MYBPC3: variants seen among roughly 807,000 people sequenced by gnomAD.
MYBPC3 encodes myosin-binding protein C, cardiac-type.
In MYBPC3, 108 loss-of-function variants were observed where a neutral mutation model predicts 159.3. That is an observed-to-expected ratio of 0.68 (90% CI 0.58 to 0.80). MYBPC3 has a LOEUF of 0.80. Among genes scored for constraint, MYBPC3 ranks in the 30% least tolerant of loss-of-function variants. The pLI, the probability that MYBPC3 is intolerant of heterozygous loss-of-function variation, is 0.00. For missense variants in MYBPC3, 1,631 were observed against 1,762.1 expected (o/e 0.93, Z 1.33); for synonymous variants, 730 against 702.0 (o/e 1.04, Z -0.63).
In MYBPC3 at chr11:47,338,567, T is replaced by C; in HGVS notation, c.2261A>G (p.Lys754Arg). 5.6e-6 allele frequency: 9 copies of C among 1,614,046 alleles called. No homozygotes were observed. The highest frequency in any genetic ancestry group is 7.6e-6 in the Non-Finnish European group (9 of 1,179,906). The change falls in exon 23 of 35, where the codon AAG (lysine) becomes AGG (arginine). Residue 754 changes from lysine (K) to arginine (R), a missense_variant. Physicochemically the swap from Lys to Arg is conservative, Grantham distance 26. Coordinates refer to ENST00000545968, the MANE Select transcript of MYBPC3 (RefSeq NM_000256.3). This position sits in a 1 kb window ranked among gnomAD's most constrained non-coding sequence, Gnocchi z 4.7. ...GACCTGGTCCTCGCCCACAGGGTTC[T>C]TCACTGTGACCGTGTAGACGCCCTC... The part of the protein sequence containing the change: ...EDEGVYTVTV[K>R]NPVGEDQVNL...
chr11:47,333,221 T>C lies in MYBPC3; in HGVS notation c.3303A>G (p.Thr1101=), dbSNP rs748263197. The C allele has an allele frequency of 2.5e-6, 4 of 1,599,526 alleles. No homozygotes were observed. The highest frequency in any genetic ancestry group is 1.7e-5 in the Admixed American group (1 of 58,160). ...TGGTCTTCTTGTCGGCTTTCTGCAC[T>C]GTGTACCCCCAGAGCTCCGTGTTGC... The part of the protein sequence containing the change: ...DVGNTELWGY[T]VQKADKKTME... Residue 1101 remains threonine (T), a synonymous_variant, in exon 30 of 35, where the codon ACA becomes ACG. Coordinates refer to ENST00000545968, the MANE Select transcript of MYBPC3 (RefSeq NM_000256.3).
At position 47,335,065 on chromosome 11, in the gene MYBPC3, G is replaced by A. The variant is rs373056282; in HGVS notation, c.2882C>T (p.Pro961Leu). The change falls in exon 27 of 35, where the codon CCG becomes CTG. Residue 961 changes from proline (P) to leucine (L), a missense_variant. Transcript: ENST00000545968. Reference protein sequence around the residue: ...GPGAPVTTTEPVTVQEILQRP... With the variant: ...GPGAPVTTTELVTVQEILQRP... ...ACGCAGGATCTCCTGCACTGTCACC[G>A]GCTCCGTGGTGGTAACAGGGGCTCC... is the stretch of plus-strand genomic sequence containing the variant. 85 of 1,578,686 alleles carry A rather than the reference G, an allele frequency of 5.4e-5. No homozygotes were observed. The Middle Eastern group carries it at 6.7e-4, about 13-fold the overall frequency.
Position 47,348,547 on chromosome 11 carries a change from T to G in MYBPC3, c.655-6A>C, listed in dbSNP as rs2142866421. On this transcript the variant is annotated splice_polypyrimidine_tract_variant and splice_region_variant and intron_variant, in intron 5 of 34. Coordinates refer to ENST00000545968, the MANE Select transcript of MYBPC3 (RefSeq NM_000256.3). The stretch of plus-strand genomic sequence containing the variant: ...TGCAGCTCGAACAGATAGACCTGTG[T>G]GCATGGAGGGACGGGGCGTCAGGGG... 6.2e-7 allele frequency: 1 copy of G among 1,606,624 alleles called. No individual in the cohort carries two copies. Among genetic ancestry groups the G allele is most frequent in the Non-Finnish European group, 8.5e-7 (1 of 1,175,246 alleles).
chr11:47,335,213 G>T lies in MYBPC3; in HGVS notation c.2738-4C>A, dbSNP rs752196981. The T allele has an allele frequency of 6.3e-7, 1 of 1,579,384 alleles. No individual in the cohort carries two copies. Among genetic ancestry groups the T allele is most frequent in the Non-Finnish European group, 8.6e-7 (1 of 1,160,228 alleles). On this transcript the variant is annotated splice_polypyrimidine_tract_variant and splice_region_variant and intron_variant, in intron 26 of 34. Transcript: ENST00000545968. The stretch of plus-strand genomic sequence containing the variant: ...AGGGCAGCCACCCACTCTGAGCCTG[G>T]GGGTGGGGAGGGGGAGGCAAGGCCA...
At position 47,338,554 on chromosome 11, in the gene MYBPC3, G is replaced by A. The variant is rs397515957; in HGVS notation, c.2274C>T (p.Gly758=). Residue 758 remains glycine, a synonymous_variant, in exon 23 of 35, where the codon GGC becomes GGT. Transcript: ENST00000545968. The surrounding 1 kb of genome is among the most constrained non-coding windows in gnomAD (Gnocchi z 4.7). Reference sequence around the variant, plus strand: ...TGACTGTGAGGTTGACCTGGTCCTCGCCCACAGGGTTCTTCACTGTGACCG... The same window carrying A: ...TGACTGTGAGGTTGACCTGGTCCTCACCCACAGGGTTCTTCACTGTGACCG... ...VYTVTVKNPV[G]EDQVNLTVKV... is the part of the protein sequence containing the mutation. 4.3e-6 allele frequency: 7 copies of A among 1,613,872 alleles called. No individual in the cohort carries two copies. Among genetic ancestry groups the A allele is most frequent in the South Asian group, 1.1e-5 (1 of 91,090 alleles).
intron 5 of MYBPC3, among the ~76,000 whole-genome samples, chr11:47,349,297 G>A (rs1240073175): frequency 6.6e-6 from 1 of 152,098 alleles, no homozygotes; most frequent in African/African-American, 2.4e-5. Context: ...TGACCTTGGA[G>A]CAGCCACTTA....
At position 47,337,475 on chromosome 11, in the gene MYBPC3, C is replaced by A; in HGVS notation, c.2518G>T (p.Val840Leu). 2 of 1,613,930 alleles carry A rather than the reference C, an allele frequency of 1.2e-6. No homozygotes were observed. The highest frequency in any genetic ancestry group is 8.5e-7 in the Non-Finnish European group (1 of 1,179,888). ...SHEARRMIEG[V>L]VYEMRVYAVN... ...GCGTAGACGCGCATCTCGTACACCA[C>A]GCCCTCGATCATGCGCCGCGCTTCA... Residue 840 changes from valine to leucine, a missense_variant, in exon 25 of 35, where the codon GTG becomes TTG. By Grantham distance (32) the Val-to-Leu change is conservative. Coordinates refer to ENST00000545968, the MANE Select transcript of MYBPC3 (RefSeq NM_000256.3).
rs727503213 is a variant in MYBPC3, at chr11:47,347,854, C to A, written c.821+3G>T. The A allele has an allele frequency of 6.4e-7, 1 of 1,564,400 alleles. No homozygotes were observed. The highest frequency in any genetic ancestry group is 1.7e-4 in the Middle Eastern group (1 of 5,856). ...CCCCCAGGCCCTGAGGATGGCCACT[C>A]ACGTGCGGCGGAAGGCTGATAGGAG... On this transcript the variant is annotated splice_donor_region_variant and intron_variant, in intron 7 of 34. Transcript: ENST00000545968.
Position 47,331,856 on chromosome 11 carries a change from C to G in MYBPC3, c.*15G>C. Reference sequence around the variant, plus strand: ...CGGGTGGTACATACCTGGCCATCCCCAGGAGCCAGCCTGGTCACTGAGGCA... The same window carrying G: ...CGGGTGGTACATACCTGGCCATCCCGAGGAGCCAGCCTGGTCACTGAGGCA... On this transcript the variant is annotated 3_prime_UTR_variant, in exon 34 of 35. Coordinates refer to ENST00000545968, the MANE Select transcript of MYBPC3 (RefSeq NM_000256.3). 4 of 1,608,474 alleles carry G rather than the reference C, an allele frequency of 2.5e-6. No individual in the cohort carries two copies. Among genetic ancestry groups the G allele is most frequent in the Non-Finnish European group, 3.4e-6 (4 of 1,177,800 alleles).
In MYBPC3 at chr11:47,333,210, G is replaced by C. The variant is rs786204356; in HGVS notation, c.3314C>G (p.Ala1105Gly). ...TELWGYTVQK[A>G]DKKTMEWFTV... ...TGGGCTCACCATGGTCTTCTTGTCG[G>C]CTTTCTGCACTGTGTACCCCCAGAG... Residue 1105 changes from alanine to glycine, a missense_variant, in exon 30 of 35, where the codon GCC (alanine) becomes GGC (glycine). By Grantham distance (60) the Ala-to-Gly change is moderately conservative (BLOSUM62 0). Coordinates refer to ENST00000545968, the MANE Select transcript of MYBPC3 (RefSeq NM_000256.3). The C allele has an allele frequency of 6.2e-7, 1 of 1,601,194 alleles. No homozygotes were observed. The highest frequency in any genetic ancestry group is 8.5e-7 in the Non-Finnish European group (1 of 1,173,876).
Position 47,336,024 on chromosome 11 carries a change from G to C in MYBPC3, c.2603-13C>G. On this transcript the variant is annotated splice_polypyrimidine_tract_variant and intron_variant, in intron 25 of 34. Coordinates refer to ENST00000545968, the MANE Select transcript of MYBPC3 (RefSeq NM_000256.3). Reference sequence around the variant, plus strand: ...TCGCTGGGGGGACCTGGGCAGAGGAGAGGTCAGAGAGGGGTCTGAGCAAGC... The same window carrying C: ...TCGCTGGGGGGACCTGGGCAGAGGACAGGTCAGAGAGGGGTCTGAGCAAGC... The C allele has an allele frequency of 1.4e-6, 2 of 1,476,424 alleles. No homozygotes were observed. The highest frequency in any genetic ancestry group is 1.8e-6 in the Non-Finnish European group (2 of 1,110,580). 91.5% of individuals were successfully genotyped at this position (1,476,424 alleles called of 1,614,324 possible). A position where few individuals can be genotyped will look rare whatever the true frequency, so the allele number is the denominator to read the frequency against.
rs397515986 is a variant in MYBPC3 at position 47,335,119 on chromosome 11, C to T, written c.2828G>A (p.Arg943Gln). The T allele has an allele frequency of 9.3e-6, 15 of 1,612,362 alleles. No individual in the cohort carries two copies. Among genetic ancestry groups the T allele is most frequent in the Middle Eastern group, 1.6e-4 (1 of 6,078 alleles). Residue 943 changes from arginine to glutamine, a missense_variant, in exon 27 of 35, where the codon CGA becomes CAA. Arg to Gln is a conservative substitution (Grantham distance 43). Coordinates refer to ENST00000545968, the MANE Select transcript of MYBPC3 (RefSeq NM_000256.3). ...CCCTGCCATATTGTGTGCCCGCACT[C>T]GGAAAAGCAGCCGGGCCCCCGTGGG... ...DLPTGARLLF[R>Q]VRAHNMAGPG...
rs774172488 is a variant in MYBPC3, at chr11:47,337,441, G to A, written c.2552C>T (p.Ala851Val). The change falls in exon 25 of 35, where the codon GCC (alanine) becomes GTC (valine). Residue 851 changes from alanine (A) to valine (V), a missense_variant. Coordinates refer to ENST00000545968, the MANE Select transcript of MYBPC3 (RefSeq NM_000256.3). The part of the protein sequence containing the change: ...VYEMRVYAVN[A>V]IGMSRPSPAS... Reference sequence around the variant, plus strand: ...AGGGCTGGGCCTGGACATGCCGATGGCGTTGACCGCGTAGACGCGCATCTC... The same window carrying A: ...AGGGCTGGGCCTGGACATGCCGATGACGTTGACCGCGTAGACGCGCATCTC... 7.4e-5 allele frequency: 120 copies of A among 1,611,832 alleles called. No individual in the cohort carries two copies. The highest frequency in any genetic ancestry group is 9.2e-5 in the Non-Finnish European group (108 of 1,179,200).
Position 47,346,941 on chromosome 11 carries a change from C to G in MYBPC3, c.908+86G>C, listed in dbSNP as rs1007556636. 7.8e-6 allele frequency: 6 copies of G among 764,798 alleles called. No homozygotes were observed. Among genetic ancestry groups the G allele is most frequent in the Non-Finnish European group, 1.4e-5 (6 of 419,032 alleles). 47.4% of individuals were successfully genotyped at this position (764,798 alleles called of 1,614,324 possible). On this transcript the variant is annotated intron_variant, in intron 10 of 34. Coordinates refer to ENST00000545968, the MANE Select transcript of MYBPC3 (RefSeq NM_000256.3). This position sits in a 1 kb window ranked among gnomAD's most constrained non-coding sequence, Gnocchi z 5.3. ...GCCGCACCCTGCTCTGAGTCTCTCACCACAGCCTCTCAGAGAGGGGACGGG... is the reference window on the plus strand; with the variant it reads ...GCCGCACCCTGCTCTGAGTCTCTCAGCACAGCCTCTCAGAGAGGGGACGGG...
intron 26 of MYBPC3, 179 bp downstream of exon 26, chr11:47,335,698 G>A (rs2095881543): frequency 7.7e-6 from 4 of 521,962 alleles, no homozygotes; most frequent in Non-Finnish European, 9.8e-6. Context: ...GCTTTACTCT[G>A]CATTTGTTTT....
At position 47,333,351 on chromosome 11, in the gene MYBPC3, A is replaced by C; in HGVS notation, c.3191-18T>G. On this transcript the variant is annotated intron_variant, in intron 29 of 34. Transcript: ENST00000545968. ...TGGCTTGTCTGCGGGAGACAGACCC[A>C]GTTGGGTCACCACGCCTCCTGACAG... 6.5e-7 allele frequency: 1 copy of C among 1,549,378 alleles called. No homozygotes were observed. The highest frequency in any genetic ancestry group is 8.7e-7 in the Non-Finnish European group (1 of 1,143,726).
rs1156895803 is a variant in MYBPC3 at position 47,335,105 on chromosome 11, T to C, written c.2842A>G (p.Asn948Asp). 1.2e-5 allele frequency: 19 copies of C among 1,611,484 alleles called. No homozygotes were observed. The highest frequency in any genetic ancestry group is 1.3e-5 in the Non-Finnish European group (15 of 1,178,690). Reference sequence around the variant, plus strand: ...ACAGGGGCTCCAGGCCCTGCCATATTGTGTGCCCGCACTCGGAAAAGCAGC... The same window carrying C: ...ACAGGGGCTCCAGGCCCTGCCATATCGTGTGCCCGCACTCGGAAAAGCAGC... The part of the protein sequence containing the change: ...ARLLFRVRAH[N>D]MAGPGAPVTT... The change falls in exon 27 of 35, where the codon AAT (asparagine) becomes GAT (aspartate). Residue 948 changes from asparagine to aspartate, a missense_variant. Transcript: ENST00000545968.
In MYBPC3 at chr11:47,346,289, G is replaced by A. The variant is rs397515880; in HGVS notation, c.1008C>T (p.Ile336=). The change falls in exon 12 of 35, where the codon ATC becomes ATT. Residue 336 remains isoleucine, a synonymous_variant. Coordinates refer to ENST00000545968, the MANE Select transcript of MYBPC3 (RefSeq NM_000256.3). This position sits in a 1 kb window ranked among gnomAD's most constrained non-coding sequence, Gnocchi z 5.3. The stretch of plus-strand genomic sequence containing the variant: ...GGTCAGTGACGCCGTACTGGAAGGC[G>A]ATGCGCTCGTACTCAGATGGGGGTG... ...RQAPPSEYER[I]AFQYGVTDLR... 6 of 1,613,634 alleles carry A rather than the reference G, an allele frequency of 3.7e-6. No individual in the cohort carries two copies. Among genetic ancestry groups the A allele is most frequent in the East Asian group, 2.2e-5 (1 of 44,876 alleles).
chr11:47,336,698 C>T (rs1265740357), intron 25 of MYBPC3, among the ~76,000 whole-genome samples: 1 of 152,172 alleles, frequency 6.6e-6, no homozygotes, highest in Non-Finnish European at 1.5e-5. Flanking sequence ...GGTCCTTGGC[C>T]TGCCCTTGCC....
Sources: allele counts gnomAD v4.1 joint callset (sites outside exome capture counted in the v4.1 genomes callset), GRCh38; gene constraint gnomAD v4.1.1; non-coding constraint Gnocchi (gnomAD v3.1); transcripts MANE v1.5; gene names NCBI Gene and HGNC (gene_info 2026-07-23, HGNC 2026-07-21).